The following GPC5 variants were observed in gnomAD, a reference collection of about 807,000 sequenced individuals.
The protein encoded by GPC5 is glypican 5.
Under a neutral mutation model 53.9 loss-of-function variants are expected in GPC5, and 47 were observed. The ratio of observed to expected loss-of-function variants is 0.87; its 90% CI spans 0.69 to 1.11. The LOEUF (loss-of-function observed/expected upper bound fraction) is 1.11, where lower values mean the gene tolerates loss of function less well. GPC5 is among the 50% of genes most tolerant of loss of function. The probability of loss-of-function intolerance (pLI) is 0.00; values close to 1 mark genes in which losing one functional copy is unlikely to be tolerated. For missense variants in GPC5, 748 were observed against 713.1 expected (o/e 1.05, Z -0.56); for synonymous variants, 286 against 263.3 (o/e 1.09, Z -0.84).
intron 7 of GPC5, among the ~76,000 whole-genome samples, chr13:92,674,457 C>T (rs111537186): frequency 1.1e-4 from 16 of 151,996 alleles, no homozygotes; most frequent in Non-Finnish European, 2.1e-4. Context: ...ATAGGAATAG[C>T]ATCGAGATAG....
At chr13:92,427,435 G>A (rs765722667) in intron 7 of GPC5, among the ~76,000 whole-genome samples, 2 of 149,786 alleles carry the variant, frequency 1.3e-5, no homozygotes, top group East Asian at 3.9e-4. Context: ...TTGGAACTTA[G>A]CTCGGATATA....
At chr13:91,724,857 G>GA (rs1176164420) in intron 3 of GPC5, among the ~76,000 whole-genome samples, 7 of 150,340 alleles carry the variant, frequency 4.7e-5, no homozygotes, top group East Asian at 1.9e-4. Context: ...ATCCTGTCTG[G>GA]AAAAAAAAAG....
At chr13:92,825,264 C>T (rs946974789) in intron 7 of GPC5, among the ~76,000 whole-genome samples, 4 of 152,078 alleles carry the variant, frequency 2.6e-5, no homozygotes, top group African/African-American at 9.7e-5. Flanking sequence ...TACGACATTT[C>T]ATAATTTATG....
At chr13:92,751,274 G>A (rs1414460701) in intron 7 of GPC5, among the ~76,000 whole-genome samples, 1 of 90,600 alleles carries the variant, frequency 1.1e-5, no homozygotes, top group Non-Finnish European at 2.1e-5. Context: ...AACAGTTTTG[G>A]AGAAAACCTT....
At chr13:91,796,578 G>T (rs2038051133) in intron 5 of GPC5, among the ~76,000 whole-genome samples, 1 of 152,110 alleles carries the variant, frequency 6.6e-6, no homozygotes, top group Non-Finnish European at 1.5e-5. Flanking sequence ...TCTGCTTTTA[G>T]CCTGATTGGT....
At chr13:92,326,985 T>G (rs1031300328) in intron 7 of GPC5, among the ~76,000 whole-genome samples, 4 of 152,000 alleles carry the variant, frequency 2.6e-5, no homozygotes, top group Non-Finnish European at 4.4e-5. Flanking sequence ...CCTTCACGTT[T>G]TCATCCTGTC....
intron 2 of GPC5, among the ~76,000 whole-genome samples, chr13:91,584,011 G>A (rs2032467744): frequency 6.6e-6 from 1 of 152,134 alleles, no homozygotes. Flanking sequence ...AAGTTAGAAT[G>A]AAGCCATCAA....
chr13:91,851,973 G>A (rs2038919273), intron 5 of GPC5, among the ~76,000 whole-genome samples: 1 of 150,840 alleles, frequency 6.6e-6, no homozygotes, highest in East Asian at 2.0e-4. Flanking sequence ...GCGTGCATGT[G>A]TCTTTATAGC....
intron 7 of GPC5, among the ~76,000 whole-genome samples, chr13:92,804,047 G>A (rs754936864): frequency 6.6e-6 from 1 of 151,962 alleles, no homozygotes; most frequent in African/African-American, 2.4e-5. Flanking sequence ...TAAACTATTG[G>A]TGGGCACAAA....
intron 7 of GPC5, among the ~76,000 whole-genome samples, chr13:92,358,160 T>C (rs767716619): frequency 1.3e-5 from 2 of 151,750 alleles, no homozygotes; most frequent in Non-Finnish European, 2.9e-5. Context: ...GAATCTGCCA[T>C]AACAATTGGC....
intron 6 of GPC5, among the ~76,000 whole-genome samples, chr13:91,978,575 A>G (rs192348660): frequency 1.3e-5 from 2 of 152,332 alleles, no homozygotes; most frequent in Admixed American, 6.5e-5. Context: ...TCTCTAGCTG[A>G]CATTTGATTT....
At chr13:92,184,109 G>T (rs1218664097) in intron 7 of GPC5, among the ~76,000 whole-genome samples, 2 of 151,626 alleles carry the variant, frequency 1.3e-5, no homozygotes, top group Non-Finnish European at 2.9e-5. Context: ...TTTGCTTATG[G>T]TGTATTATTT....
chr13:91,715,273 C>T (rs2036311793), intron 3 of GPC5, among the ~76,000 whole-genome samples: 1 of 152,112 alleles, frequency 6.6e-6, no homozygotes, highest in Non-Finnish European at 1.5e-5. Flanking sequence ...ACAAGTTCTG[C>T]CTCTTACTTC....
At chr13:92,406,465 G>A (rs1424659747) in intron 7 of GPC5, among the ~76,000 whole-genome samples, 1 of 152,046 alleles carries the variant, frequency 6.6e-6, no homozygotes, top group African/African-American at 2.4e-5. Context: ...ATATCAACTT[G>A]GAGATCATTT....
chr13:92,117,749 G>A (rs1436066097), intron 6 of GPC5, among the ~76,000 whole-genome samples: 1 of 151,974 alleles, frequency 6.6e-6, no homozygotes, highest in Non-Finnish European at 1.5e-5. Flanking sequence ...GATAATTTTT[G>A]TATGTTTCCA....
chr13:91,688,363 G>A (rs1169310826), intron 2 of GPC5, among the ~76,000 whole-genome samples: 1 of 151,950 alleles, frequency 6.6e-6, no homozygotes, highest in Non-Finnish European at 1.5e-5. Context: ...TAGACCAATA[G>A]TTTACAGTTT....
intron 7 of GPC5, among the ~76,000 whole-genome samples, chr13:92,839,547 T>C (rs1566440220): frequency 6.6e-6 from 1 of 152,088 alleles, no homozygotes; most frequent in African/African-American, 2.4e-5. Context: ...AGTGAAAACA[T>C]GTGGTATTTG....
chr13:91,918,673 C>T (rs1450629467), intron 6 of GPC5, among the ~76,000 whole-genome samples: 1 of 152,128 alleles, frequency 6.6e-6, no homozygotes, highest in African/African-American at 2.4e-5. Flanking sequence ...TTTCAGAAAC[C>T]AATAGCCTTT....
chr13:92,714,981 C>T (rs1446564752), intron 7 of GPC5, among the ~76,000 whole-genome samples: 1 of 152,086 alleles, frequency 6.6e-6, no homozygotes, highest in African/African-American at 2.4e-5. Context: ...CAGAGAATTG[C>T]TTGAACCTGG....
Sources: gnomAD v4.1 joint callset for allele counts (sites outside exome capture counted in the v4.1 genomes callset) on GRCh38, gnomAD v4.1.1 for gene constraint, MANE v1.5 for transcripts, NCBI Gene and HGNC (gene_info 2026-07-23, HGNC 2026-07-21) for gene names.